The following RYR3 variants were observed in gnomAD, a reference collection of about 807,000 sequenced individuals.
RYR3 encodes brain ryanodine receptor-calcium release channel.
RYR3 carries 207 observed loss-of-function variants against 584.3 expected under a neutral mutation model. The ratio of observed to expected loss-of-function variants is 0.35; its 90% confidence interval spans 0.32 to 0.40. RYR3 has a LOEUF of 0.40. Among genes scored for constraint, RYR3 ranks in the 10% least tolerant of loss-of-function variants. RYR3 has a pLI of 1.00. For missense variants in RYR3, 5,616 were observed against 6,089.2 expected (o/e 0.92, Z 2.59); for synonymous variants, 2,416 against 2,248.5 (o/e 1.07, Z -2.11).
intron 75 of RYR3, 24 bp from the exon 76 acceptor site, chr15:33,818,554 A>T: frequency 6.4e-7 from 1 of 1,573,494 alleles, no homozygotes. Context: ...CATGCCTAAA[A>T]CCTATCTGTG....
intron 1 of RYR3, among the ~76,000 whole-genome samples, chr15:33,362,873 G>T (rs1974970779): frequency 6.6e-6 from 1 of 152,114 alleles, no homozygotes; most frequent in African/African-American, 2.4e-5. Flanking sequence ...ATCTCAGGGG[G>T]TTACCTGTAT....
rs2152486835 is a variant in RYR3 at position 33,564,519 on chromosome 15, C to T, written c.1146+1509C>T. Among the ~76,000 whole-genome samples, 2 of 152,304 alleles carry T rather than the reference C, an allele frequency of 1.3e-5. 1 individual carries two copies. The highest frequency in any genetic ancestry group is 4.1e-4 in the South Asian group (2 of 4,824). ...ACAAATCAAAAATAAATGCCACAAA[C>T]CCATCCTCTATTCTTACCAGCCTAT... On this transcript the variant is annotated intron_variant, in intron 11 of 103. Coordinates refer to ENST00000634891, the MANE Select transcript of RYR3 (RefSeq NM_001036.6).
chr15:33,450,758 G>A (rs187073311), intron 1 of RYR3, among the ~76,000 whole-genome samples: 1 of 152,086 alleles, frequency 6.6e-6, no homozygotes, highest in African/African-American at 2.4e-5. Context: ...CCTAGTTCAT[G>A]TGCATGTGCC....
intron 1 of RYR3, among the ~76,000 whole-genome samples, chr15:33,389,201 C>T (rs1383746317): frequency 1.3e-5 from 2 of 151,806 alleles, no homozygotes; most frequent in Non-Finnish European, 2.9e-5. Context: ...ACGTTGTGCA[C>T]ATGTGCCCTA....
At chr15:33,729,408 G>A (rs550551299) in intron 47 of RYR3, among the ~76,000 whole-genome samples, 95 of 152,048 alleles carry the variant, frequency 6.2e-4, no homozygotes, top group African/African-American at 2.0e-3. Context: ...ATGTCCCCTC[G>A]GGGACAAAAT....
chr15:33,394,428 T>C (rs912552910), intron 1 of RYR3, among the ~76,000 whole-genome samples: 1 of 152,220 alleles, frequency 6.6e-6, no homozygotes, highest in African/African-American at 2.4e-5. Context: ...ACAATTTACA[T>C]GTTATGTTCC....
In RYR3 at chr15:33,832,962, T is replaced by C. The variant is rs141279204; in HGVS notation, c.11463+1871T>C. 4.5e-3 allele frequency among the ~76,000 whole-genome samples: 666 copies of C among 147,950 alleles called. 4 individuals are homozygous for C. The highest frequency in any genetic ancestry group is 0.016 in the African/African-American group (632 of 39,608). The stretch of plus-strand genomic sequence containing the variant: ...GGCAGAGGTTGGAGTGAGCTGAGAT[T>C]GCACCTTTGCACTCCAGCCTGGGCA... On this transcript the variant is annotated intron_variant, in intron 86 of 103. Coordinates refer to ENST00000634891, the MANE Select transcript of RYR3 (RefSeq NM_001036.6).
intron 1 of RYR3, among the ~76,000 whole-genome samples, chr15:33,405,360 C>T (rs1422637021): frequency 6.6e-6 from 1 of 152,028 alleles, no homozygotes; most frequent in Non-Finnish European, 1.5e-5. Context: ...GTCCTGTGTC[C>T]CCTCTCTAGG....
chr15:33,662,351 T>C lies in RYR3; in HGVS notation c.4821T>C (p.Tyr1607=), dbSNP rs200740143. ...CCGGCCTCCTTCGATCTGGTTTCTA[T>C]GACCTGCTCATCAGCATCCACCTGG... is the stretch of plus-strand genomic sequence containing the variant. ...YLPGLLRSGF[Y]DLLISIHLAS... The change falls in exon 35 of 104, where the codon TAT becomes TAC. Residue 1607 remains tyrosine, a synonymous_variant. Coordinates refer to ENST00000634891, the MANE Select transcript of RYR3 (RefSeq NM_001036.6). 4,352 of 1,612,820 alleles carry C rather than the reference T, an allele frequency of 2.7e-3. 11 individuals are homozygous for C. The highest frequency in any genetic ancestry group is 3.4e-3 in the Non-Finnish European group (3,995 of 1,179,476).
chr15:33,597,380 G>T (rs2059425583), intron 16 of RYR3, among the ~76,000 whole-genome samples: 1 of 152,160 alleles, frequency 6.6e-6, no homozygotes, highest in South Asian at 2.1e-4. Context: ...ACCTTGGGAG[G>T]CTGAGGTGGG....
rs549561370 is a variant in RYR3 at position 33,772,276 on chromosome 15, C to T, written c.9055+118C>T. Reference sequence around the variant, plus strand: ...GAGCAGAGAGAGAATTATTCCATGCCTTTTCTTTCTTAGATTAAAAAAGAA... The same window carrying T: ...GAGCAGAGAGAGAATTATTCCATGCTTTTTCTTTCTTAGATTAAAAAAGAA... On this transcript the variant is annotated intron_variant, in intron 63 of 103. Transcript: ENST00000634891. The T allele has an allele frequency of 8.3e-6, 5 of 599,056 alleles. No homozygotes were observed. The South Asian group carries it at 1.2e-4, about 14-fold the overall frequency. The allele number at this position is 599,056 out of a possible 1,614,324, so 37.1% of individuals were successfully genotyped here.
intron 97 of RYR3, 44 bp from the exon 98 acceptor site, chr15:33,854,722 T>G (rs748900792): frequency 1.3e-6 from 2 of 1,573,702 alleles, no homozygotes; most frequent in Non-Finnish European, 1.7e-6. Flanking sequence ...ATGAGCACAC[T>G]ATGAGGCAAA....
Position 33,826,715 on chromosome 15 carries a change from T to C in RYR3, c.11208T>C (p.Phe3736=). The change falls in exon 84 of 104, where the codon TTT becomes TTC. Residue 3736 remains phenylalanine, a synonymous_variant. Transcript: ENST00000634891. ...ATGACGAGTTCACGCGTGATCTCTT[T>C]AGATTCCTACAGTTACTTTGTGAGG... The part of the protein sequence containing the change: ...LQNDEFTRDL[F]RFLQLLCEGH... 6.2e-7 allele frequency: 1 copy of C among 1,613,834 alleles called. No individual in the cohort carries two copies. The highest frequency in any genetic ancestry group is 8.5e-7 in the Non-Finnish European group (1 of 1,179,808).
At chr15:33,724,004 T>A in intron 44 of RYR3, 61 bp from the exon 45 acceptor site, 1 of 861,738 alleles carries the variant, frequency 1.2e-6, no homozygotes, top group Non-Finnish European at 2.0e-6. Context: ...GCAGCTTATG[T>A]CTCGCAGCAT....
intron 75 of RYR3, 109 bp downstream of exon 75, chr15:33,817,067 A>C (rs2076855098): frequency 1.4e-6 from 1 of 697,782 alleles, no homozygotes; most frequent in Non-Finnish European, 2.5e-6. Flanking sequence ...GTGTGTATAC[A>C]GTTGAAAAGC....
chr15:33,678,802 G>A (rs1429450951), intron 38 of RYR3, among the ~76,000 whole-genome samples: 1 of 152,192 alleles, frequency 6.6e-6, no homozygotes, highest in Non-Finnish European at 1.5e-5. Flanking sequence ...GCTGTAAACA[G>A]AGCAGTTCTT....
intron 91 of RYR3, among the ~76,000 whole-genome samples, 160 bp from the exon 92 acceptor site, chr15:33,843,328 A>G (rs890478241): frequency 2.0e-5 from 3 of 151,316 alleles, no homozygotes; most frequent in African/African-American, 7.4e-5. Flanking sequence ...TCAAAAAAAA[A>G]GAAAGAAAAG....
chr15:33,734,449 A>G (rs1334921157), intron 48 of RYR3, among the ~76,000 whole-genome samples: 1 of 152,188 alleles, frequency 6.6e-6, no homozygotes, highest in Non-Finnish European at 1.5e-5. Context: ...TTACACAAAA[A>G]GAAATCGTTT....
intron 1 of RYR3, among the ~76,000 whole-genome samples, chr15:33,443,632 A>C (rs769224674): frequency 1.4e-4 from 21 of 152,104 alleles, no homozygotes; most frequent in Admixed American, 2.6e-4. Flanking sequence ...CAGAGTAGTA[A>C]TTATCAGGTT....
Sources: gnomAD v4.1 joint callset for allele counts (sites outside exome capture counted in the v4.1 genomes callset) on GRCh38, gnomAD v4.1.1 for gene constraint, MANE v1.5 for transcripts, NCBI Gene and HGNC (gene_info 2026-07-23, HGNC 2026-07-21) for gene names.